The following TET2 variants were observed in gnomAD, a reference collection of about 807,000 sequenced individuals.
TET2 encodes tet methylcytosine dioxygenase 2.
In TET2, 299 loss-of-function variants were observed where a neutral mutation model predicts 142.9. The ratio of observed to expected loss-of-function variants is 2.09; its 90% CI spans 1.90 to 2.30. TET2 has a LOEUF of 2.30. Ranked by LOEUF, TET2 falls within the 30% of genes most tolerant of loss-of-function variation. TET2 has a pLI of 0.00. For synonymous variants in TET2, 819 were observed against 849.0 expected (o/e 0.96, Z 0.61); for missense variants, 2,418 against 2,378.0 (o/e 1.02, Z -0.35).
rs367747028 is a variant in TET2 at position 105,235,073 on chromosome 4, T to C, written c.1131T>C (p.Asn377=). 4 of 1,613,976 alleles carry C rather than the reference T, an allele frequency of 2.5e-6. No individual in the cohort carries two copies. In the African/African-American group the frequency reaches 5.3e-5, roughly 22 times the overall value. The change falls in exon 3 of 11, where the codon AAT becomes AAC. Residue 377 remains asparagine, a synonymous_variant. Transcript: ENST00000380013. ...SERYLKQNEM[N]GAYFKQSSVF... Reference sequence around the variant, plus strand: ...GGTATTTAAAACAAAATGAAATGAATGGTGCTTACTTCAAGCAAAGCTCAG... The same window carrying C: ...GGTATTTAAAACAAAATGAAATGAACGGTGCTTACTTCAAGCAAAGCTCAG...
intron 1 of TET2, among the ~76,000 whole-genome samples, chr4:105,182,572 A>G (rs73836038): frequency 0.025 from 3,752 of 152,374 alleles, 163 homozygotes; most frequent in African/African-American, 0.086. Context: ...TTAACAAACC[A>G]GGTAAACATA....
At position 105,277,638 on chromosome 4, in the gene TET2, A is replaced by G. The variant is rs1041385905; in HGVS notation, c.*1119A>G. On this transcript the variant is annotated 3_prime_UTR_variant, in exon 11 of 11. Transcript: ENST00000380013. The stretch of plus-strand genomic sequence containing the variant: ...TCCACCATGGGGCTTACTGGATTCA[A>G]GGGAATACGTTAGTCCACAAAACAT... The G allele has an allele frequency of 8.7e-6, 2 of 229,594 alleles. No individual in the cohort carries two copies. Among genetic ancestry groups the G allele is most frequent in the Non-Finnish European group, 1.7e-5 (2 of 115,880 alleles). 14.2% of individuals were successfully genotyped at this position (229,594 alleles called of 1,614,324 possible).
At chr4:105,258,667 T>G (rs1730263911) in intron 6 of TET2, among the ~76,000 whole-genome samples, 1 of 152,234 alleles carries the variant, frequency 6.6e-6, no homozygotes. Context: ...TCTTTTGTTC[T>G]GCTTCTCTTG....
intron 2 of TET2, among the ~76,000 whole-genome samples, chr4:105,225,356 T>C (rs1440971497): frequency 6.6e-6 from 1 of 152,152 alleles, no homozygotes; most frequent in South Asian, 2.1e-4. Context: ...ACTAGTTTTT[T>C]TGAAATTGCG....
intron 6 of TET2, among the ~76,000 whole-genome samples, chr4:105,259,099 A>AAAC (rs1475987702): frequency 5.3e-5 from 8 of 152,292 alleles, no homozygotes; most frequent in African/African-American, 1.9e-4. Context: ...AAAGTAGGCA[A>AAAC]AACAAGCTAC....
chr4:105,153,668 C>T (rs1437685725), intron 1 of TET2, among the ~76,000 whole-genome samples: 2 of 152,160 alleles, frequency 1.3e-5, no homozygotes, highest in Non-Finnish European at 2.9e-5. Context: ...TTCATACAGC[C>T]TATACATGGC....
At chr4:105,183,476 A>T (rs945911278) in intron 1 of TET2, among the ~76,000 whole-genome samples, 1 of 152,140 alleles carries the variant, frequency 6.6e-6, no homozygotes, top group African/African-American at 2.4e-5. Flanking sequence ...ATTCGATAGT[A>T]TCTAAATCAT....
intron 2 of TET2, among the ~76,000 whole-genome samples, chr4:105,200,349 A>G (rs1346597461): frequency 6.6e-6 from 1 of 152,100 alleles, no homozygotes; most frequent in Admixed American, 6.5e-5. Flanking sequence ...TCTTTTGTAA[A>G]GTGTCTGTTC....
At chr4:105,255,040 T>A (rs1366989112) in intron 6 of TET2, among the ~76,000 whole-genome samples, 3 of 152,214 alleles carry the variant, frequency 2.0e-5, no homozygotes, top group Non-Finnish European at 4.4e-5. Flanking sequence ...GCAGTGATTT[T>A]CCCTGTGACC....
intron 2 of TET2, among the ~76,000 whole-genome samples, chr4:105,222,246 A>G (rs1410896169): frequency 1.3e-5 from 2 of 152,344 alleles, no homozygotes; most frequent in Admixed American, 1.3e-4. Flanking sequence ...GGGATGGCTC[A>G]GTCAAATGGT....
At chr4:105,190,582 A>G (rs978842695) in intron 2 of TET2, 77 bp downstream of exon 2, 11 of 669,612 alleles carry the variant, frequency 1.6e-5, no homozygotes, top group Non-Finnish European at 3.0e-5. Flanking sequence ...CTCTCTCCCA[A>G]ACTTCAACTT....
chr4:105,237,123 C>T lies in TET2; in HGVS notation c.3181C>T (p.Pro1061Ser), dbSNP rs2110237513. 1 of 1,614,124 alleles carries T rather than the reference C, an allele frequency of 6.2e-7. No individual in the cohort carries two copies. The highest frequency in any genetic ancestry group is 1.1e-5 in the South Asian group (1 of 91,090). The change falls in exon 3 of 11, where the codon CCA (proline) becomes TCA (serine). Residue 1061 changes from proline (P) to serine (S), a missense_variant. Coordinates refer to ENST00000380013, the MANE Select transcript of TET2 (RefSeq NM_001127208.3). ...QKQVKVEMSG[P>S]VTVLTRQTTA... is the part of the protein sequence containing the mutation. ...GCAAGTAAAAGTTGAAATGTCAGGG[C>T]CAGTCACAGTTTTGACTAGACAAAC...
At chr4:105,263,194 G>A (rs2110290973) in intron 8 of TET2, among the ~76,000 whole-genome samples, 1 of 152,286 alleles carries the variant, frequency 6.6e-6, no homozygotes, top group East Asian at 1.9e-4. Flanking sequence ...GTCACAAGCA[G>A]CCTTAGACGC....
chr4:105,153,998 T>C (rs1723439158), intron 1 of TET2, among the ~76,000 whole-genome samples: 2 of 152,228 alleles, frequency 1.3e-5, no homozygotes, highest in Non-Finnish European at 2.9e-5. Flanking sequence ...GGATTATTGA[T>C]AAATGCTGTC....
At chr4:105,195,064 G>A (rs532549818) in intron 2 of TET2, among the ~76,000 whole-genome samples, 3 of 149,454 alleles carry the variant, frequency 2.0e-5, no homozygotes, top group Non-Finnish European at 4.5e-5. Context: ...AGCATTTTTT[G>A]CATTTAATGC....
intron 2 of TET2, among the ~76,000 whole-genome samples, chr4:105,213,742 A>G (rs1042023544): frequency 2.6e-5 from 4 of 152,058 alleles, no homozygotes; most frequent in Non-Finnish European, 5.9e-5. Flanking sequence ...ATTTATTTTA[A>G]CTCTATGATC....
In TET2 at chr4:105,243,796, C is replaced by G. The variant is rs890962513; in HGVS notation, c.3803+18C>G. Reference sequence around the variant, plus strand: ...AATGAAGAGTAAGTGAAGCCCAGGGCCTCTCCCCTCTTTGCGGCCACTGAT... The same window carrying G: ...AATGAAGAGTAAGTGAAGCCCAGGGGCTCTCCCCTCTTTGCGGCCACTGAT... On this transcript the variant is annotated intron_variant, in intron 6 of 10. Coordinates refer to ENST00000380013, the MANE Select transcript of TET2 (RefSeq NM_001127208.3). 2 of 1,546,838 alleles carry G rather than the reference C, an allele frequency of 1.3e-6. No homozygotes were observed. The highest frequency in any genetic ancestry group is 2.7e-5 in the African/African-American group (2 of 72,908).
chr4:105,192,265 A>C (rs1725834026), intron 2 of TET2, among the ~76,000 whole-genome samples: 1 of 152,190 alleles, frequency 6.6e-6, no homozygotes, highest in Non-Finnish European at 1.5e-5. Context: ...TTTTACAGGT[A>C]GCTCTCTGAG....
rs747307117 is a variant in TET2 at position 105,236,452 on chromosome 4, A to G, written c.2510A>G (p.Asn837Ser). The change falls in exon 3 of 11, where the codon AAT becomes AGT. Residue 837 changes from asparagine to serine, a missense_variant. Asn to Ser is a conservative substitution (Grantham distance 46). Coordinates refer to ENST00000380013, the MANE Select transcript of TET2 (RefSeq NM_001127208.3). ...AAAATACAGGTTTCTTGTTCAAACA[A>G]TACACACCTAGTTTCAGAGAATAAA... ...ACKIQVSCSN[N>S]THLVSENKEQ... 3.1e-6 allele frequency: 5 copies of G among 1,614,000 alleles called. No homozygotes were observed. The highest frequency in any genetic ancestry group is 2.7e-5 in the African/African-American group (2 of 74,938).
Sources: gnomAD v4.1 joint callset for allele counts (sites outside exome capture counted in the v4.1 genomes callset) on GRCh38, gnomAD v4.1.1 for gene constraint, MANE v1.5 for transcripts, NCBI Gene and HGNC (gene_info 2026-07-23, HGNC 2026-07-21) for gene names.